The following WWOX variants were observed in gnomAD, a reference collection of about 807,000 sequenced individuals.
WWOX encodes the protein WW domain containing oxidoreductase.
A neutral mutation model predicts 46.2 loss-of-function variants in WWOX; 69 were observed. That is an observed-to-expected ratio of 1.49 (90% CI 1.23 to 1.82). The LOEUF is 1.82. Ranked by LOEUF, WWOX falls within the 40% of genes most tolerant of loss-of-function variation. The pLI is 0.00. For missense variants in WWOX, 919 were observed against 542.6 expected (o/e 1.69, Z -6.89); for synonymous variants, 359 against 202.6 (o/e 1.77, Z -6.56).
chr16:79,054,119 TG>T (rs2048219413), intron 8 of WWOX, among the ~76,000 whole-genome samples: 1 of 152,194 alleles, frequency 6.6e-6, no homozygotes, highest in Non-Finnish European at 1.5e-5. Flanking sequence ...AGATCTTTAA[TG>T]TTTTAGGCTG....
chr16:79,014,796 G>A (rs1367398856), intron 8 of WWOX, among the ~76,000 whole-genome samples: 1 of 152,186 alleles, frequency 6.6e-6, no homozygotes, highest in African/African-American at 2.4e-5. Flanking sequence ...TACTTACTAT[G>A]CTATTTTTGG....
chr16:78,959,675 T>G (rs2046236200), intron 8 of WWOX, among the ~76,000 whole-genome samples: 1 of 152,194 alleles, frequency 6.6e-6, no homozygotes, highest in Non-Finnish European at 1.5e-5. Context: ...TCGGATAGAC[T>G]GCAGGCTCAG....
At chr16:78,374,526 AATTTTTTTTTTTTT>A (rs1320756505) in intron 5 of WWOX, among the ~76,000 whole-genome samples, 6 of 85,182 alleles carry the variant, frequency 7.0e-5, no homozygotes, top group African/African-American at 1.5e-4. Flanking sequence ...TTCTGTCTTG[AATTTTTTTTTTTTT>A]TTTTTTTTTT....
In WWOX at chr16:78,315,176, G is replaced by C. The variant is rs1024231984; in HGVS notation, c.517-71684G>C. Among the ~76,000 whole-genome samples, 7 of 152,112 alleles carry C rather than the reference G, an allele frequency of 4.6e-5. No homozygotes were observed. In the South Asian group the frequency reaches 6.2e-4, roughly 14 times the overall value. ...TTATGTAAGAAAACTCTGAACGCGA[G>C]GCCAAAGTAGAATTTTCCCTGAAAC... On this transcript the variant is annotated intron_variant, in intron 5 of 8. Transcript: ENST00000566780.
At chr16:78,703,197 C>G (rs567639580) in intron 8 of WWOX, among the ~76,000 whole-genome samples, 1 of 150,540 alleles carries the variant, frequency 6.6e-6, no homozygotes, top group Non-Finnish European at 1.5e-5. Context: ...CCGCTCCTTC[C>G]TGACAAGAGT....
intron 8 of WWOX, among the ~76,000 whole-genome samples, chr16:79,128,366 GAAAAACA>G (rs375537182): frequency 0.016 from 2,336 of 148,370 alleles, 64 homozygotes; most frequent in African/African-American, 0.054. Flanking sequence ...TTAGAAGTGT[GAAAAACA>G]AAAAACAAAA....
chr16:78,866,164 T>G (rs894043221), intron 8 of WWOX, among the ~76,000 whole-genome samples: 1 of 152,124 alleles, frequency 6.6e-6, no homozygotes, highest in Non-Finnish European at 1.5e-5. Flanking sequence ...TGGGCTAACT[T>G]TTGTTTAGTA....
At chr16:78,424,486 G>T (rs2083029362) in intron 6 of WWOX, among the ~76,000 whole-genome samples, 1 of 152,148 alleles carries the variant, frequency 6.6e-6, no homozygotes, top group African/African-American at 2.4e-5. Flanking sequence ...GGGCTATTTT[G>T]ATTTACAGAC....
intron 5 of WWOX, chr16:78,168,594 C>G (rs1451692371): frequency 1.3e-5 from 2 of 152,086 alleles, no homozygotes; most frequent in African/African-American, 4.8e-5. Context: ...CCCCATGGCC[C>G]ATCTTTTTAC....
chr16:78,622,078 C>G (rs1489989712), intron 8 of WWOX, among the ~76,000 whole-genome samples: 1 of 152,134 alleles, frequency 6.6e-6, no homozygotes, highest in African/African-American at 2.4e-5. Context: ...TCTAAGCACA[C>G]CAGTATTTTA....
chr16:78,135,553 T>G (rs549878264), intron 4 of WWOX, among the ~76,000 whole-genome samples: 2 of 152,314 alleles, frequency 1.3e-5, no homozygotes, highest in East Asian at 3.9e-4. Flanking sequence ...TCATAGGAGA[T>G]TCTTCCATTC....
intron 8 of WWOX, among the ~76,000 whole-genome samples, chr16:79,094,955 G>C (rs994671160): frequency 1.3e-5 from 2 of 152,076 alleles, no homozygotes; most frequent in African/African-American, 4.8e-5. Context: ...CAATCGCCTG[G>C]TCAGCTTCTG....
chr16:78,258,115 T>C (rs914398407), intron 5 of WWOX, among the ~76,000 whole-genome samples: 1 of 151,638 alleles, frequency 6.6e-6, no homozygotes, highest in Non-Finnish European at 1.5e-5. Context: ...ATTAAAAATA[T>C]TTTATTTCGG....
chr16:79,157,812 C>T (rs1329564361), intron 8 of WWOX, among the ~76,000 whole-genome samples: 1 of 152,036 alleles, frequency 6.6e-6, no homozygotes, highest in Non-Finnish European at 1.5e-5. Flanking sequence ...AGGGTCAAAC[C>T]GTGGGTTCTG....
intron 5 of WWOX, chr16:78,266,110 C>T (rs1451872313): frequency 6.6e-6 from 1 of 152,158 alleles, no homozygotes; most frequent in Non-Finnish European, 1.5e-5. Flanking sequence ...AGGGTCTACA[C>T]ACTGTGGTTT....
chr16:79,020,817 TA>T (rs914121598), intron 8 of WWOX, among the ~76,000 whole-genome samples: 8 of 152,146 alleles, frequency 5.3e-5, no homozygotes, highest in African/African-American at 1.9e-4. Context: ...TCCCTGAAAA[TA>T]AGTGGTCACT....
intron 8 of WWOX, among the ~76,000 whole-genome samples, chr16:78,489,264 C>G (rs2151458960): frequency 6.6e-6 from 1 of 152,308 alleles, no homozygotes; most frequent in African/African-American, 2.4e-5. Flanking sequence ...CCACCACCAG[C>G]TGTAACATAA....
chr16:78,122,560 A>G (rs1447855769), intron 4 of WWOX, among the ~76,000 whole-genome samples: 1 of 151,972 alleles, frequency 6.6e-6, no homozygotes, highest in African/African-American at 2.4e-5. Context: ...TACATCATAG[A>G]GTGGCACAAT....
intron 8 of WWOX, among the ~76,000 whole-genome samples, chr16:79,096,063 T>A (rs1214705782): frequency 7.4e-6 from 1 of 134,462 alleles, no homozygotes; most frequent in Admixed American, 8.0e-5. Context: ...AGATGGGGTT[T>A]CACCATGTTG....
Sources: gnomAD v4.1 joint callset for allele counts (sites outside exome capture counted in the v4.1 genomes callset) on GRCh38, gnomAD v4.1.1 for gene constraint, MANE v1.5 for transcripts, NCBI Gene and HGNC (gene_info 2026-07-23, HGNC 2026-07-21) for gene names.